The following GCNT2 variants were observed in gnomAD, a reference collection of about 807,000 sequenced individuals.
GCNT2 encodes the protein glucosaminyl (N-acetyl) transferase 2 (I blood group).
In GCNT2, 34 loss-of-function variants were observed where a neutral mutation model predicts 34.2. The ratio of observed to expected loss-of-function variants is 1.00; its 90% CI spans 0.76 to 1.32. The LOEUF is 1.32. Among genes scored for constraint, GCNT2 ranks in the 40% most tolerant of loss-of-function variants. The probability of loss-of-function intolerance (pLI) is 0.00; values close to 1 mark genes in which losing one functional copy is unlikely to be tolerated. For synonymous variants in GCNT2, 212 were observed against 188.0 expected (o/e 1.13, Z -1.04); for missense variants, 584 against 489.4 (o/e 1.19, Z -1.82).
intron 3 of GCNT2, chr6:10,581,625 C>T (rs918058709): frequency 3.3e-6 from 1 of 302,050 alleles, no homozygotes; most frequent in African/African-American, 2.3e-5. Flanking sequence ...GCTGCCACTC[C>T]CATCTGCAGA....
chr6:10,616,205 C>T (rs1218484975), intron 3 of GCNT2, among the ~76,000 whole-genome samples: 1 of 152,054 alleles, frequency 6.6e-6, no homozygotes, highest in Non-Finnish European at 1.5e-5. Context: ...CAAGGCGGTG[C>T]GTTTGGAATT....
intron 3 of GCNT2, 92 bp downstream of exon 3, chr6:10,529,928 C>G (rs1440460022): frequency 7.7e-6 from 8 of 1,036,912 alleles, no homozygotes; most frequent in Non-Finnish European, 1.2e-5. Context: ...AAAAATGGGA[C>G]AAACTTCTTT....
At chr6:10,562,457 C>T (rs1324358364) in intron 3 of GCNT2, among the ~76,000 whole-genome samples, 2 of 152,068 alleles carry the variant, frequency 1.3e-5, no homozygotes, top group African/African-American at 2.4e-5. Context: ...GTGGCTCACA[C>T]CGGTAGTCCC....
At chr6:10,548,636 T>C (rs190608780) in intron 3 of GCNT2, among the ~76,000 whole-genome samples, 3 of 152,366 alleles carry the variant, frequency 2.0e-5, no homozygotes, top group Non-Finnish European at 4.4e-5. Context: ...ATATACAGCA[T>C]ATGTTATTTT....
At chr6:10,612,940 A>C (rs939094064) in intron 3 of GCNT2, among the ~76,000 whole-genome samples, 3 of 152,214 alleles carry the variant, frequency 2.0e-5, no homozygotes, top group Non-Finnish European at 1.5e-5. Flanking sequence ...ACATGTTTCT[A>C]AATTGATTTT....
Position 10,573,232 on chromosome 6 carries a change from G to A in GCNT2, c.925+43396G>A, listed in dbSNP as rs372274037. 14 of 984,298 alleles carry A rather than the reference G, an allele frequency of 1.4e-5. No homozygotes were observed. The South Asian group carries it at 1.9e-4, about 13-fold the overall frequency. The allele number at this position is 984,298 out of a possible 1,614,324, so 61.0% of individuals were successfully genotyped here. A position where few individuals can be genotyped will look rare whatever the true frequency, so the allele number is the denominator to read the frequency against. ...GGAACTTCTCAACTTCTTTTTCCTCGGATGCGACATTCGGAATCAGAGAAA... is the reference window on the plus strand; with the variant it reads ...GGAACTTCTCAACTTCTTTTTCCTCAGATGCGACATTCGGAATCAGAGAAA... On this transcript the variant is annotated intron_variant, in intron 3 of 4. Coordinates refer to ENST00000495262, the MANE Select transcript of GCNT2 (RefSeq NM_145649.5).
intron 3 of GCNT2, among the ~76,000 whole-genome samples, chr6:10,611,084 G>A (rs923484531): frequency 3.3e-5 from 5 of 151,988 alleles, no homozygotes; most frequent in Non-Finnish European, 5.9e-5. Flanking sequence ...TAAGTTTCTC[G>A]TGTTAAAAAT....
intron 1 of GCNT2, among the ~76,000 whole-genome samples, chr6:10,526,269 G>C (rs1761180038): frequency 6.6e-6 from 1 of 152,160 alleles, no homozygotes; most frequent in South Asian, 2.1e-4. Flanking sequence ...GTGTACCTGA[G>C]TCACGCTGTA....
chr6:10,623,492 A>G (rs565302754), intron 4 of GCNT2, among the ~76,000 whole-genome samples: 1 of 152,070 alleles, frequency 6.6e-6, no homozygotes, highest in Non-Finnish European at 1.5e-5. Flanking sequence ...GGGTTTCACC[A>G]TGTTGGCCAG....
chr6:10,538,507 A>T (rs984352576), intron 3 of GCNT2, among the ~76,000 whole-genome samples: 2 of 147,290 alleles, frequency 1.4e-5, no homozygotes, highest in African/African-American at 5.1e-5. Flanking sequence ...CTGAATTTAT[A>T]CCCATGACAC....
chr6:10,546,783 C>A (rs1762292587), intron 3 of GCNT2, among the ~76,000 whole-genome samples: 2 of 151,880 alleles, frequency 1.3e-5, no homozygotes, highest in African/African-American at 4.8e-5. Flanking sequence ...GCAGTATATC[C>A]TTATTTTAAA....
At chr6:10,525,273 C>T (rs942973478) in intron 1 of GCNT2, among the ~76,000 whole-genome samples, 2 of 151,994 alleles carry the variant, frequency 1.3e-5, no homozygotes, top group African/African-American at 2.4e-5. Flanking sequence ...TAATATACAC[C>T]CTGCCAGTTA....
intron 3 of GCNT2, among the ~76,000 whole-genome samples, chr6:10,547,375 C>G (rs1762316371): frequency 6.6e-6 from 1 of 152,158 alleles, no homozygotes; most frequent in African/African-American, 2.4e-5. Context: ...GATCAAGAAT[C>G]TTAAGCTAAA....
At position 10,533,319 on chromosome 6, in the gene GCNT2, T is replaced by A. The variant is rs541740487; in HGVS notation, c.925+3483T>A. ...AGACTCCATCTCAGAAATAAAAATT[T>A]AAAAAAAAATTAGTCCAGAAAAACA... On this transcript the variant is annotated intron_variant, in intron 3 of 4. Transcript: ENST00000495262. Among the ~76,000 whole-genome samples the A allele has an allele frequency of 7.5e-4, 114 of 151,078 alleles. 2 individuals are homozygous for A. The East Asian group carries it at 0.017, about 23-fold the overall frequency.
At chr6:10,541,789 C>T (rs1213404855) in intron 3 of GCNT2, among the ~76,000 whole-genome samples, 1 of 152,126 alleles carries the variant, frequency 6.6e-6, no homozygotes, top group Non-Finnish European at 1.5e-5. Context: ...TTTTCTTAGC[C>T]TGCAAAAATC....
At chr6:10,623,032 C>T (rs1437871829) in intron 4 of GCNT2, among the ~76,000 whole-genome samples, 2 of 151,902 alleles carry the variant, frequency 1.3e-5, no homozygotes, top group South Asian at 2.1e-4. Context: ...GGATTACAGG[C>T]GTGAGCTACT....
rs369907510 is a variant in GCNT2, at chr6:10,556,508, G to A, written c.925+26672G>A. 5 of 1,613,816 alleles carry A rather than the reference G, an allele frequency of 3.1e-6. No homozygotes were observed. In the African/African-American group the frequency reaches 5.3e-5, roughly 17 times the overall value. On this transcript the variant is annotated intron_variant, in intron 3 of 4. Transcript: ENST00000495262. ...CGTCTTCTCTGTGTTCAATTTTGGG[G>A]GAGATCCAAGCTTCCAAAGGCTAAA...
chr6:10,539,393 T>G (rs868705972), intron 3 of GCNT2, among the ~76,000 whole-genome samples: 2 of 151,892 alleles, frequency 1.3e-5, no homozygotes, highest in African/African-American at 4.8e-5. Context: ...TTCTCCATGT[T>G]GGTCAGGCTG....
chr6:10,556,380 T>A lies in GCNT2; in HGVS notation c.925+26544T>A, dbSNP rs758550731. ...AACGAGTGAGTTTGGAAAAAAGACTTACAGATTTTGACGGTCTCTTGACAT... is the reference window on the plus strand; with the variant it reads ...AACGAGTGAGTTTGGAAAAAAGACTAACAGATTTTGACGGTCTCTTGACAT... On this transcript the variant is annotated intron_variant, in intron 3 of 4. Coordinates refer to ENST00000495262, the MANE Select transcript of GCNT2 (RefSeq NM_145649.5). 6.8e-6 allele frequency: 11 copies of A among 1,611,940 alleles called. No homozygotes were observed. The South Asian group carries it at 1.1e-4, about 16-fold the overall frequency.
Sources: gnomAD v4.1 joint callset for allele counts (sites outside exome capture counted in the v4.1 genomes callset) on GRCh38, gnomAD v4.1.1 for gene constraint, MANE v1.5 for transcripts, NCBI Gene and HGNC (gene_info 2026-07-23, HGNC 2026-07-21) for gene names.